Variants in EVA1C observed in about 807,000 individuals in gnomAD.
EVA1C encodes the protein protein eva-1 homolog C.
Under a neutral mutation model 45.4 loss-of-function variants are expected in EVA1C, and 25 were observed. The observed-to-expected ratio is 0.55, with a 90% CI of 0.40 to 0.77. The LOEUF (loss-of-function observed/expected upper bound fraction) is 0.77, where lower values mean the gene tolerates loss of function less well. Ranked by LOEUF, EVA1C falls within the 30% of genes least tolerant of loss-of-function variation. The pLI, the probability that EVA1C is intolerant of heterozygous loss-of-function variation, is 0.00. For synonymous variants in EVA1C, 190 were observed against 221.2 expected (o/e 0.86, Z 1.25); for missense variants, 479 against 554.8 (o/e 0.86, Z 1.37).
chr21:32,477,008 GA>G (rs2036593141), intron 4 of EVA1C, among the ~76,000 whole-genome samples: 1 of 152,120 alleles, frequency 6.6e-6, no homozygotes. Context: ...CTATTGAACA[GA>G]GCTTCCCAAC....
At chr21:32,505,692 G>A (rs1376273746) in intron 7 of EVA1C, among the ~76,000 whole-genome samples, 1 of 152,188 alleles carries the variant, frequency 6.6e-6, no homozygotes, top group Admixed American at 6.5e-5. Context: ...TTTCCGGTAA[G>A]GGCTCTCTTC....
chr21:32,459,257 C>T (rs949104056), intron 3 of EVA1C, among the ~76,000 whole-genome samples: 1 of 152,140 alleles, frequency 6.6e-6, no homozygotes, highest in African/African-American at 2.4e-5. Flanking sequence ...TACAGACAAT[C>T]GCAAATACCT....
At chr21:32,439,650 C>A (rs1306451705) in intron 1 of EVA1C, among the ~76,000 whole-genome samples, 1 of 152,088 alleles carries the variant, frequency 6.6e-6, no homozygotes, top group Non-Finnish European at 1.5e-5. Flanking sequence ...GTTCTTTAGG[C>A]ACGGCTTTTT....
intron 5 of EVA1C, among the ~76,000 whole-genome samples, chr21:32,497,503 G>A (rs1322925841): frequency 6.6e-6 from 1 of 152,054 alleles, no homozygotes; most frequent in Non-Finnish European, 1.5e-5. Context: ...TGCTCTTGTG[G>A]GAGAGAAAAT....
At chr21:32,487,720 A>C (rs1463654722) in intron 4 of EVA1C, among the ~76,000 whole-genome samples, 30 of 100,256 alleles carry the variant, frequency 3.0e-4, no homozygotes, top group African/African-American at 8.2e-4. Context: ...ACTCCATCTC[A>C]AAAAAAAAAA....
intron 1 of EVA1C, among the ~76,000 whole-genome samples, chr21:32,436,951 C>T (rs796691951): frequency 3.3e-5 from 5 of 152,154 alleles, no homozygotes; most frequent in East Asian, 1.9e-4. Flanking sequence ...CTTGAGGTCA[C>T]GAGTTCAAGA....
intron 4 of EVA1C, among the ~76,000 whole-genome samples, chr21:32,487,142 C>T (rs902020648): frequency 6.6e-6 from 1 of 152,142 alleles, no homozygotes; most frequent in African/African-American, 2.4e-5. Flanking sequence ...TTAAAATTAG[C>T]TCCTTTTAAC....
At chr21:32,421,541 T>C (rs543441810) in intron 1 of EVA1C, among the ~76,000 whole-genome samples, 1 of 152,316 alleles carries the variant, frequency 6.6e-6, no homozygotes, top group East Asian at 1.9e-4. Flanking sequence ...TTACCTTTAC[T>C]GGGAAACCCA....
chr21:32,482,513 T>C (rs1211858941), intron 4 of EVA1C, among the ~76,000 whole-genome samples: 1 of 152,196 alleles, frequency 6.6e-6, no homozygotes, highest in Non-Finnish European at 1.5e-5. Context: ...TGCCTTCCCC[T>C]ACCTGCCCAG....
At chr21:32,462,926 C>T (rs1367416047) in intron 3 of EVA1C, among the ~76,000 whole-genome samples, 1 of 152,098 alleles carries the variant, frequency 6.6e-6, no homozygotes, top group Non-Finnish European at 1.5e-5. Context: ...AATCTCTGTT[C>T]GAGGCTCTCA....
At chr21:32,511,137 T>C (rs1404199051) in intron 7 of EVA1C, among the ~76,000 whole-genome samples, 1 of 151,346 alleles carries the variant, frequency 6.6e-6, no homozygotes, top group Non-Finnish European at 1.5e-5. Flanking sequence ...ATCCTTGGAC[T>C]AGGCACGGTG....
chr21:32,486,852 TAG>T (rs1481166866), intron 4 of EVA1C, among the ~76,000 whole-genome samples: 3 of 152,212 alleles, frequency 2.0e-5, no homozygotes, highest in Non-Finnish European at 4.4e-5. Context: ...AAATGCTATG[TAG>T]AGATTTGTAT....
At chr21:32,431,936 A>C (rs2034720329) in intron 1 of EVA1C, among the ~76,000 whole-genome samples, 2 of 152,220 alleles carry the variant, frequency 1.3e-5, no homozygotes, top group Non-Finnish European at 2.9e-5. Context: ...CAGTTAACCC[A>C]ATAGTGTACA....
intron 4 of EVA1C, among the ~76,000 whole-genome samples, chr21:32,475,463 C>CTTT (rs775162227): frequency 3.1e-5 from 4 of 127,240 alleles, no homozygotes; most frequent in African/African-American, 5.8e-5. Flanking sequence ...AAAGTTCTTA[C>CTTT]TTTTTTTTTT....
intron 1 of EVA1C, among the ~76,000 whole-genome samples, chr21:32,416,698 A>G (rs1302169844): frequency 6.6e-6 from 1 of 152,064 alleles, no homozygotes; most frequent in Non-Finnish European, 1.5e-5. Flanking sequence ...GCTTCTAGGT[A>G]GAGGTGGGGA....
Position 32,463,591 on chromosome 21 carries a change from C to T in EVA1C, c.482-4105C>T, listed in dbSNP as rs183448351. Among the ~76,000 whole-genome samples the T allele has an allele frequency of 6.2e-4, 94 of 152,176 alleles. 1 individual carries two copies. Among genetic ancestry groups the T allele is most frequent in the Non-Finnish European group, 1.2e-3 (83 of 68,018 alleles). ...AGATGGTTTGCCCATAATCTGGGGA[C>T]GAAATCGCTGGAGGCCTTGCATGTG... is the stretch of plus-strand genomic sequence containing the variant. On this transcript the variant is annotated intron_variant, in intron 3 of 7. Transcript: ENST00000300255.
intron 1 of EVA1C, among the ~76,000 whole-genome samples, chr21:32,440,929 C>A (rs1438695641): frequency 6.6e-6 from 1 of 152,022 alleles, no homozygotes; most frequent in Non-Finnish European, 1.5e-5. Flanking sequence ...GGAGAAAACC[C>A]GTCTTTATTA....
intron 4 of EVA1C, among the ~76,000 whole-genome samples, chr21:32,480,960 T>C (rs1276337250): frequency 7.3e-6 from 1 of 136,960 alleles, no homozygotes; most frequent in African/African-American, 2.9e-5. Context: ...AAGTGCCGTC[T>C]CAAAAAAAAA....
chr21:32,509,068 T>C (rs1285956165), intron 7 of EVA1C, among the ~76,000 whole-genome samples: 1 of 152,218 alleles, frequency 6.6e-6, no homozygotes, highest in African/African-American at 2.4e-5. Flanking sequence ...TAGAGAACAG[T>C]TGACATTCCC....
Sources: allele counts gnomAD v4.1 joint callset (sites outside exome capture counted in the v4.1 genomes callset), GRCh38; gene constraint gnomAD v4.1.1; transcripts MANE v1.5; gene names NCBI Gene and HGNC (gene_info 2026-07-23, HGNC 2026-07-21).